The following AGBL4 variants were observed in gnomAD, a reference collection of about 807,000 sequenced individuals.
The protein encoded by AGBL4 is AGBL carboxypeptidase 4, also known as cytosolic carboxypeptidase 6.
In AGBL4, 58 loss-of-function variants were observed where a neutral mutation model predicts 66.4. The ratio of observed to expected loss-of-function variants is 0.87; its 90% confidence interval spans 0.71 to 1.09. The LOEUF (loss-of-function observed/expected upper bound fraction) is 1.09, where lower values mean the gene tolerates loss of function less well. AGBL4 is among the 50% of genes least tolerant of loss of function. The pLI, the probability that AGBL4 is intolerant of heterozygous loss-of-function variation, is 0.00. For synonymous variants in AGBL4, 234 were observed against 222.9 expected (o/e 1.05, Z -0.44); for missense variants, 579 against 631.0 (o/e 0.92, Z 0.88).
rs190378700 is a variant in AGBL4, at chr1:49,266,718, T to C, written c.283-20854A>G. On this transcript the variant is annotated intron_variant, in intron 3 of 13. Transcript: ENST00000371839. ...GACTGGCCAGGCAGTAGAGAACACA[T>C]GGAAGACATTTCAGTCAGAGGGAGC... Among the ~76,000 whole-genome samples, 157 of 152,048 alleles carry C rather than the reference T, an allele frequency of 1.0e-3. 4 individuals carry two copies. Among genetic ancestry groups the C allele is most frequent in the Admixed American group, 1.3e-4 (2 of 15,258 alleles).
At chr1:49,394,286 T>C (rs1351849222) in intron 3 of AGBL4, among the ~76,000 whole-genome samples, 3 of 151,890 alleles carry the variant, frequency 2.0e-5, no homozygotes, top group Non-Finnish European at 4.4e-5. Context: ...GACCACTGGG[T>C]TGATTAAGAT....
At chr1:49,620,094 T>C (rs1558107498) in intron 3 of AGBL4, among the ~76,000 whole-genome samples, 4 of 152,066 alleles carry the variant, frequency 2.6e-5, no homozygotes, top group Non-Finnish European at 5.9e-5. Context: ...CCAAAAGCAA[T>C]GGCAACAAAA....
chr1:49,828,932 G>A (rs775801792), intron 2 of AGBL4, among the ~76,000 whole-genome samples: 7 of 152,094 alleles, frequency 4.6e-5, no homozygotes, highest in Non-Finnish European at 1.0e-4. Flanking sequence ...GGCCGGGCGC[G>A]GTGGCAGACA....
At chr1:48,658,588 C>G (rs1242042232) in intron 7 of AGBL4, among the ~76,000 whole-genome samples, 1 of 152,170 alleles carries the variant, frequency 6.6e-6, no homozygotes, top group Admixed American at 6.5e-5. Flanking sequence ...CCAACTCTGC[C>G]CATTTCACAG....
chr1:49,260,137 C>G (rs1245110017), intron 3 of AGBL4, among the ~76,000 whole-genome samples: 12 of 150,928 alleles, frequency 8.0e-5, no homozygotes, highest in Admixed American at 7.2e-4. Context: ...ATACCAGAAT[C>G]TCTGGGACAC....
intron 2 of AGBL4, among the ~76,000 whole-genome samples, chr1:49,700,610 G>A (rs769790117): frequency 1.3e-4 from 19 of 151,886 alleles, no homozygotes; most frequent in South Asian, 6.2e-4. Flanking sequence ...TCATATGCTC[G>A]TCCATAAAGC....
rs1644577739 is a variant in AGBL4, at chr1:49,070,419, T to C, written c.378-24619A>G. Among the ~76,000 whole-genome samples the C allele has an allele frequency of 2.0e-5, 3 of 151,936 alleles. No individual in the cohort carries two copies. The South Asian group carries it at 6.2e-4, about 31-fold the overall frequency. On this transcript the variant is annotated intron_variant, in intron 4 of 13. Coordinates refer to ENST00000371839, the MANE Select transcript of AGBL4 (RefSeq NM_032785.4). ...GAGATGCATTCCATCAATACCTAGT[T>C]TATTGACAGTTTTTAGCATGAAGGG... is the stretch of plus-strand genomic sequence containing the variant.
intron 2 of AGBL4, among the ~76,000 whole-genome samples, chr1:49,783,956 T>A (rs1205506227): frequency 6.6e-6 from 1 of 152,112 alleles, no homozygotes; most frequent in Admixed American, 6.6e-5. Context: ...TAAGGGTTTG[T>A]ACACTGAAAA....
At chr1:49,472,172 T>A (rs1031743491) in intron 3 of AGBL4, 1 of 152,030 alleles carries the variant, frequency 6.6e-6, no homozygotes, top group Non-Finnish European at 1.5e-5. Flanking sequence ...GGTGGCAACA[T>A]CCTCTTTCTT....
chr1:49,881,522 AT>A (rs1302731380), intron 1 of AGBL4, among the ~76,000 whole-genome samples: 1 of 149,146 alleles, frequency 6.7e-6, no homozygotes, highest in African/African-American at 2.5e-5. Context: ...AAGTGTTCCT[AT>A]TTCTCCACAT....
intron 6 of AGBL4, among the ~76,000 whole-genome samples, chr1:48,771,519 C>A (rs1278676980): frequency 1.3e-5 from 2 of 152,136 alleles, no homozygotes; most frequent in Non-Finnish European, 2.9e-5. Flanking sequence ...TTAGACTGAA[C>A]CCTCAATGGT....
intron 4 of AGBL4, among the ~76,000 whole-genome samples, chr1:49,212,461 A>G (rs1044865731): frequency 6.6e-6 from 1 of 152,152 alleles, no homozygotes; most frequent in African/African-American, 2.4e-5. Flanking sequence ...CTGGCATTCT[A>G]TCTTCCAGAA....
intron 5 of AGBL4, among the ~76,000 whole-genome samples, chr1:48,969,540 G>A (rs914029985): frequency 2.6e-5 from 4 of 151,922 alleles, no homozygotes; most frequent in African/African-American, 9.7e-5. Context: ...AGATATCCAT[G>A]AAATAGCTTG....
chr1:49,061,859 C>T (rs1644408453), intron 4 of AGBL4, among the ~76,000 whole-genome samples: 1 of 152,108 alleles, frequency 6.6e-6, no homozygotes, highest in African/African-American at 2.4e-5. Context: ...TTAAGTCAAC[C>T]AGTGAGCTGA....
intron 6 of AGBL4, among the ~76,000 whole-genome samples, chr1:48,829,271 G>C (rs766654990): frequency 6.6e-6 from 1 of 152,226 alleles, no homozygotes; most frequent in Non-Finnish European, 1.5e-5. Flanking sequence ...GGATCGCATA[G>C]ATAGTAAAAG....
chr1:48,666,714 C>A (rs1247153088), intron 6 of AGBL4, among the ~76,000 whole-genome samples: 1 of 152,212 alleles, frequency 6.6e-6, no homozygotes, highest in Admixed American at 6.5e-5. Flanking sequence ...GCTAATTTGG[C>A]AGAGCCAAAG....
intron 5 of AGBL4, among the ~76,000 whole-genome samples, chr1:48,876,856 T>C (rs1323588007): frequency 1.3e-5 from 2 of 152,244 alleles, no homozygotes; most frequent in Admixed American, 6.5e-5. Context: ...ATAAGTCACA[T>C]TTCTTTTTGT....
chr1:49,428,734 C>T (rs1415928135), intron 3 of AGBL4, among the ~76,000 whole-genome samples: 4 of 152,212 alleles, frequency 2.6e-5, no homozygotes, highest in South Asian at 2.1e-4. Context: ...GCAAAACCTA[C>T]GGTGCCCCAT....
At chr1:49,430,192 AT>A (rs1645756134) in intron 3 of AGBL4, among the ~76,000 whole-genome samples, 1 of 152,000 alleles carries the variant, frequency 6.6e-6, no homozygotes, top group Admixed American at 6.6e-5. Context: ...TACTTCTCAA[AT>A]GGAGCTCCAT....
Sources: allele counts gnomAD v4.1 joint callset (sites outside exome capture counted in the v4.1 genomes callset), GRCh38; gene constraint gnomAD v4.1.1; transcripts MANE v1.5; gene names NCBI Gene and HGNC (gene_info 2026-07-23, HGNC 2026-07-21).